ZNF420: variants seen among roughly 807,000 people sequenced by gnomAD.
ZNF420 encodes the protein zinc finger protein 420, also known as ATM and p53-associated KZNF protein.
A neutral mutation model predicts 44.7 loss-of-function variants in ZNF420; 31 were observed. The ratio of observed to expected loss-of-function variants is 0.69; its 90% CI spans 0.52 to 0.94. The LOEUF (loss-of-function observed/expected upper bound fraction) is 0.94. Among genes scored for constraint, ZNF420 ranks in the 40% least tolerant of loss-of-function variants. The pLI, the probability that ZNF420 is intolerant of heterozygous loss-of-function variation, is 0.00. For synonymous variants in ZNF420, 245 were observed against 267.4 expected (o/e 0.92, Z 0.82); for missense variants, 681 against 827.9 (o/e 0.82, Z 2.18).
rs2074631423 is a variant in ZNF420, at chr19:37,019,584, G to T, written c.-125+11502G>T. On this transcript the variant is annotated intron_variant, in intron 1 of 4. Coordinates refer to the ZNF420 transcript ENST00000587029. ...GAAGTCAGGAGTTCAAGACCAGCCT[G>T]GCCAACATGGTGAAACCCCATCTCT... is the stretch of plus-strand genomic sequence containing the variant. 2.0e-5 allele frequency among the ~76,000 whole-genome samples: 3 copies of T among 151,718 alleles called. No individual in the cohort carries two copies. The South Asian group carries it at 6.2e-4, about 32-fold the overall frequency.
chr19:37,115,129 CT>C (rs1970594505), intron 4 of ZNF420: 1 of 174,900 alleles, frequency 5.7e-6, no homozygotes, highest in South Asian at 1.7e-4. Flanking sequence ...CTCTCGTTGA[CT>C]TGTCCTCATT....
At chr19:37,121,322 A>T (rs1428607971) in intron 4 of ZNF420, among the ~76,000 whole-genome samples, 92 of 145,972 alleles carry the variant, frequency 6.3e-4, no homozygotes, top group Non-Finnish European at 1.2e-3. Flanking sequence ...ATAATGCCGC[A>T]TATCTACAAC....
chr19:37,108,973 A>G (rs1250812770), intron 4 of ZNF420, among the ~76,000 whole-genome samples: 1 of 152,228 alleles, frequency 6.6e-6, no homozygotes, highest in Non-Finnish European at 1.5e-5. Context: ...CCGTGGGGCA[A>G]GGTTTCCCTT....
chr19:37,113,963 C>G lies in ZNF420; in HGVS notation c.137-13165C>G, dbSNP rs778628836. ...AGTCTATGTCCATGAGCAATGGAATCTAATAATGTCCTCATATAAGGGGAG... is the reference window on the plus strand; with the variant it reads ...AGTCTATGTCCATGAGCAATGGAATGTAATAATGTCCTCATATAAGGGGAG... On this transcript the variant is annotated intron_variant, in intron 4 of 4. Coordinates refer to ENST00000337995, the MANE Select transcript of ZNF420 (RefSeq NM_144689.5). 5.3e-5 allele frequency among the ~76,000 whole-genome samples: 8 copies of G among 152,252 alleles called. No homozygotes were observed. The South Asian group carries it at 6.2e-4, about 12-fold the overall frequency.
intron 1 of ZNF420, among the ~76,000 whole-genome samples, chr19:37,057,996 T>C (rs910689259): frequency 3.9e-5 from 6 of 152,184 alleles, no homozygotes; most frequent in African/African-American, 1.2e-4. Context: ...TTGACACTCC[T>C]TCCCTTAACC....
At chr19:37,093,711 C>A (rs780472255) in intron 4 of ZNF420, among the ~76,000 whole-genome samples, 2 of 152,154 alleles carry the variant, frequency 1.3e-5, no homozygotes, top group Non-Finnish European at 2.9e-5. Context: ...AAGCCAAATA[C>A]AAACACTGCA....
rs78427535 is a variant in ZNF420, at chr19:37,127,255, T to C, written c.264T>C (p.Asp88=). ...NCDLEESNSR[D]YLEAKGKMEK... Reference sequence around the variant, plus strand: ...ATCTTGAAGAGTCCAATTCCAGGGATTATTTGGAAGCCAAAGGCAAGATGG... The same window carrying C: ...ATCTTGAAGAGTCCAATTCCAGGGACTATTTGGAAGCCAAAGGCAAGATGG... The change falls in exon 5 of 5, where the codon GAT becomes GAC. Residue 88 remains aspartate (D), a synonymous_variant. Transcript: ENST00000337995. The C allele has an allele frequency of 3.2e-3, 5,208 of 1,613,488 alleles. 145 individuals carry two copies. In the African/African-American group the frequency reaches 0.059, roughly 18 times the overall value.
intron 1 of ZNF420, among the ~76,000 whole-genome samples, chr19:37,067,109 G>A (rs1967980399): frequency 6.6e-6 from 1 of 152,180 alleles, no homozygotes; most frequent in African/African-American, 2.4e-5. Context: ...AATCTACAAT[G>A]GGAAAATATC....
intron 2 of ZNF420, among the ~76,000 whole-genome samples, chr19:37,083,687 T>G (rs1401329690): frequency 2.0e-5 from 3 of 152,208 alleles, no homozygotes; most frequent in Admixed American, 2.0e-4. Flanking sequence ...CTTTGGCAGA[T>G]TCCAGACTTT....
intron 2 of ZNF420, among the ~76,000 whole-genome samples, chr19:37,086,251 G>C (rs1968772162): frequency 6.6e-6 from 1 of 152,210 alleles, no homozygotes; most frequent in African/African-American, 2.4e-5. Flanking sequence ...CATTTGCACT[G>C]ATCTGCCTGA....
chr19:37,020,193 G>C (rs369854197), intron 1 of ZNF420, among the ~76,000 whole-genome samples: 2 of 148,994 alleles, frequency 1.3e-5, no homozygotes, highest in Admixed American at 1.3e-4. Context: ...CTCCAGCCTG[G>C]GCGACAGAGT....
chr19:37,103,029 T>C (rs893243635), intron 4 of ZNF420, among the ~76,000 whole-genome samples: 1 of 152,180 alleles, frequency 6.6e-6, no homozygotes, highest in East Asian at 1.9e-4. Context: ...TTTTTAGTTA[T>C]GCTTTTTGCT....
At chr19:37,018,217 A>G (rs2074621533) in intron 1 of ZNF420, among the ~76,000 whole-genome samples, 1 of 152,226 alleles carries the variant, frequency 6.6e-6, no homozygotes, top group Admixed American at 6.5e-5. Context: ...TAATATGTCA[A>G]TACTATCTAA....
At chr19:37,097,923 A>G (rs4806409) in intron 4 of ZNF420, among the ~76,000 whole-genome samples, 79,654 of 152,034 alleles carry the variant, frequency 0.52, 21,616 homozygotes, top group African/African-American at 0.63. Flanking sequence ...GGTAGATTAC[A>G]ATATTTTTAT....
upstream of ZNF420, chr19:37,075,199 AT>A (rs1437877082): frequency 2.0e-5 from 3 of 152,256 alleles, no homozygotes; most frequent in African/African-American, 7.2e-5. Context: ...CAAGGTCAAA[AT>A]GGGTTATAAG....
intron 1 of ZNF420, among the ~76,000 whole-genome samples, chr19:37,062,696 T>G (rs951976211): frequency 6.6e-6 from 1 of 152,162 alleles, no homozygotes; most frequent in African/African-American, 2.4e-5. Flanking sequence ...TTTCCTGCCT[T>G]ATAGAATAAG....
At chr19:37,026,057 G>A (rs1967152326) in intron 1 of ZNF420, among the ~76,000 whole-genome samples, 1 of 152,076 alleles carries the variant, frequency 6.6e-6, no homozygotes, top group Non-Finnish European at 1.5e-5. Context: ...GCTCATGCCT[G>A]TAATCCAGCA....
At chr19:37,111,323 G>A (rs376300255) in intron 4 of ZNF420, among the ~76,000 whole-genome samples, 191 of 152,266 alleles carry the variant, frequency 1.3e-3, no homozygotes, top group African/African-American at 3.6e-3. Flanking sequence ...TCTTAAGATA[G>A]AGAACAAATT....
chr19:37,121,015 G>T (rs1449718185), intron 4 of ZNF420, among the ~76,000 whole-genome samples: 3 of 151,764 alleles, frequency 2.0e-5, no homozygotes, highest in African/African-American at 7.3e-5. Context: ...CTCATGGGTT[G>T]GAAGAATCAA....
Sources: gnomAD v4.1 joint callset for allele counts (sites outside exome capture counted in the v4.1 genomes callset) on GRCh38, gnomAD v4.1.1 for gene constraint, MANE v1.5 for transcripts, NCBI Gene and HGNC (gene_info 2026-07-23, HGNC 2026-07-21) for gene names.